Variants in MMP20 observed in about 807,000 individuals in gnomAD.
MMP20 encodes the protein matrix metalloproteinase-20.
Under a neutral mutation model 51.8 loss-of-function variants are expected in MMP20, and 50 were observed. The ratio of observed to expected loss-of-function variants is 0.97; its 90% confidence interval spans 0.77 to 1.22. MMP20 has a LOEUF of 1.22. MMP20 is among the 50% of genes most tolerant of loss of function. MMP20 has a pLI of 0.00. For missense variants in MMP20, 663 were observed against 601.4 expected, an observed-to-expected ratio of 1.10 and a Z score of -1.07; for synonymous variants, 244 against 216.2, an observed-to-expected ratio of 1.13 and a Z score of -1.13.
chr11:102,625,070 T>C, intron 1 of MMP20, 124 bp downstream of exon 1: 1 of 1,303,628 alleles, frequency 7.7e-7, no homozygotes, highest in East Asian at 2.5e-5. Flanking sequence ...TCAGTTAGAC[T>C]TCAATGGACT....
At chr11:102,580,030 A>G (rs767098235) in intron 8 of MMP20, among the ~76,000 whole-genome samples, 34 of 152,256 alleles carry the variant, frequency 2.2e-4, no homozygotes, top group Admixed American at 3.9e-4. Context: ...ATAAGAAGCA[A>G]GTAAATATGT....
At chr11:102,611,975 T>G (rs923335032) in intron 2 of MMP20, 72 bp from the exon 3 acceptor site, 5 of 1,400,178 alleles carry the variant, frequency 3.6e-6, no homozygotes, top group Middle Eastern at 1.8e-4. Context: ...TATGTTGTAT[T>G]CAAAAAATGT....
At chr11:102,591,720 G>A (rs954670599) in intron 8 of MMP20, among the ~76,000 whole-genome samples, 1 of 152,176 alleles carries the variant, frequency 6.6e-6, no homozygotes, top group Admixed American at 6.5e-5. Flanking sequence ...CACTCACAGA[G>A]GCCCAGTTGG....
chr11:102,606,719 G>A (rs770947538), intron 5 of MMP20, 43 bp from the exon 6 acceptor site: 1 of 1,610,618 alleles, frequency 6.2e-7, no homozygotes, highest in Non-Finnish European at 8.5e-7. Flanking sequence ...ACGGGAATTT[G>A]GAGTTCACAC....
chr11:102,625,266 C>A lies in MMP20; in HGVS notation c.54G>T (p.Lys18Asn). Residue 18 changes from lysine (K) to asparagine (N), a missense_variant, in exon 1 of 10, where the codon AAG becomes AAT. Physicochemically the swap from Lys to Asn is moderately conservative, Grantham distance 94. Transcript: ENST00000260228. ...GLAVFLIMALKFSTAAPSLVA... is the reference protein window; with the variant it reads ...GLAVFLIMALNFSTAAPSLVA... ...CTAGGGAGGGGGCTGCAGTGGAAAA[C>A]TTCAAAGCCATGATGAGGAAGACAG... The A allele has an allele frequency of 6.2e-7, 1 of 1,613,844 alleles. No homozygotes were observed. Among genetic ancestry groups the A allele is most frequent in the Non-Finnish European group, 8.5e-7 (1 of 1,179,890 alleles).
chr11:102,595,459 A>G (rs968888727), intron 6 of MMP20, among the ~76,000 whole-genome samples: 1 of 152,216 alleles, frequency 6.6e-6, no homozygotes, highest in African/African-American at 2.4e-5. Context: ...TCCTTTTCTG[A>G]TCTTTTAAAA....
intron 6 of MMP20, among the ~76,000 whole-genome samples, chr11:102,595,559 T>G (rs767500539): frequency 6.6e-6 from 1 of 152,250 alleles, no homozygotes; most frequent in Non-Finnish European, 1.5e-5. Flanking sequence ...TGAGTCATGC[T>G]GATTAGACCC....
At position 102,617,083 on chromosome 11, in the gene MMP20, G is replaced by T. The variant is rs150897495; in HGVS notation, c.127-24C>A. 2,069 of 1,613,994 alleles carry T rather than the reference G, an allele frequency of 1.3e-3. 23 individuals are homozygous for T. Among genetic ancestry groups the T allele is most frequent in the South Asian group, 0.012 (1,090 of 91,044 alleles). ...GCCTGAAATGGAGAGGCAGGCTGAC[G>T]CGTCTACAGCGTAGTCTGGGAAATA... On this transcript the variant is annotated intron_variant, in intron 1 of 9. Coordinates refer to ENST00000260228, the MANE Select transcript of MMP20 (RefSeq NM_004771.4).
chr11:102,616,525 C>T (rs999564636), intron 2 of MMP20, among the ~76,000 whole-genome samples: 7 of 152,072 alleles, frequency 4.6e-5, no homozygotes, highest in African/African-American at 1.7e-4. Flanking sequence ...GTTTGTACTG[C>T]CAGGTCATTA....
chr11:102,622,437 A>C lies in MMP20; in HGVS notation c.126+2757T>G, dbSNP rs553271043. On this transcript the variant is annotated intron_variant, in intron 1 of 9. Transcript: ENST00000260228. ...CACATGGGCCTGATGATTGCATTCC[A>C]AGCAGCTGCTGTTTCCTCCGTCTGG... Among the ~76,000 whole-genome samples, 3 of 152,158 alleles carry C rather than the reference A, an allele frequency of 2.0e-5. No homozygotes were observed. The East Asian group carries it at 5.8e-4, about 29-fold the overall frequency.
At chr11:102,612,382 T>C (rs768952900) in intron 2 of MMP20, among the ~76,000 whole-genome samples, 1 of 152,122 alleles carries the variant, frequency 6.6e-6, no homozygotes, top group African/African-American at 2.4e-5. Flanking sequence ...GAAGAATCAT[T>C]TGAACCTGGG....
intron 6 of MMP20, among the ~76,000 whole-genome samples, chr11:102,604,374 G>A (rs563461215): frequency 6.6e-6 from 1 of 152,212 alleles, no homozygotes; most frequent in South Asian, 2.1e-4. Context: ...AATGTCAATG[G>A]TCAGTGTCTT....
Position 102,577,425 on chromosome 11 carries a change from G to C in MMP20, c.1353C>G (p.Gly451=), listed in dbSNP as rs1247738046. 6.2e-7 allele frequency: 1 copy of C among 1,607,052 alleles called. No individual in the cohort carries two copies. The highest frequency in any genetic ancestry group is 8.5e-7 in the Non-Finnish European group (1 of 1,173,684). ...TTGGTCCTGAAAAGAAGTAAATGTA[G>C]CCTAAAAGAGACAAAGTTGAAATTG... The part of the protein sequence containing the change: ...GQIDAAVELN[G]YIYFFSGPKT... The change falls in exon 10 of 10, where the codon GGC becomes GGG. Residue 451 remains glycine (G), a splice_region_variant and synonymous_variant. Transcript: ENST00000260228.
rs1243139982 is a variant in MMP20 at position 102,601,387 on chromosome 11, C to T, written c.953+5148G>A. 8.0e-5 allele frequency among the ~76,000 whole-genome samples: 3 copies of T among 37,444 alleles called. 1 individual carries two copies. Among genetic ancestry groups the T allele is most frequent in the African/African-American group, 2.1e-4 (3 of 14,006 alleles). 24.6% of individuals were successfully genotyped at this position (37,444 alleles called of 152,430 possible). Reference sequence around the variant, plus strand: ...GACCTCGTGATCCGCCCGCCTCGGCCTCCCAAAGTGCTGGGATTACAGGCG... The same window carrying T: ...GACCTCGTGATCCGCCCGCCTCGGCTTCCCAAAGTGCTGGGATTACAGGCG... On this transcript the variant is annotated intron_variant, in intron 6 of 9. Coordinates refer to ENST00000260228, the MANE Select transcript of MMP20 (RefSeq NM_004771.4).
At chr11:102,619,396 G>A (rs1399698961) in intron 1 of MMP20, among the ~76,000 whole-genome samples, 2 of 152,082 alleles carry the variant, frequency 1.3e-5, no homozygotes, top group Non-Finnish European at 2.9e-5. Flanking sequence ...TAAATTAAGT[G>A]GAAAACATGT....
chr11:102,579,286 T>G, intron 8 of MMP20, 144 bp from the exon 9 acceptor site: 1 of 636,548 alleles, frequency 1.6e-6, no homozygotes, highest in Non-Finnish European at 2.8e-6. Flanking sequence ...ACACATGCAT[T>G]TATGTTGTTA....
intron 6 of MMP20, among the ~76,000 whole-genome samples, chr11:102,600,617 G>C (rs992126024): frequency 6.6e-6 from 1 of 152,098 alleles, no homozygotes; most frequent in African/African-American, 2.4e-5. Flanking sequence ...CTGAGAAGCT[G>C]GGATTACAAG....
Position 102,588,413 on chromosome 11 carries a change from A to G in MMP20, c.1247+5026T>C, listed in dbSNP as rs145571819. 8.2e-3 allele frequency among the ~76,000 whole-genome samples: 1,256 copies of G among 152,282 alleles called. 20 individuals carry two copies. Among genetic ancestry groups the G allele is most frequent in the African/African-American group, 0.029 (1,189 of 41,580 alleles). ...CAGCTTTTGTTATATTAAGTTTCTT[A>G]GTTGCCATTTCTGGTTCTGTTCTTT... On this transcript the variant is annotated intron_variant, in intron 8 of 9. Transcript: ENST00000260228.
At chr11:102,623,145 A>G (rs1356298507) in intron 1 of MMP20, among the ~76,000 whole-genome samples, 1 of 152,212 alleles carries the variant, frequency 6.6e-6, no homozygotes, top group Non-Finnish European at 1.5e-5. Context: ...GAAGTAAGGA[A>G]TCACTAAAGG....
Sources: gnomAD v4.1 joint callset for allele counts (sites outside exome capture counted in the v4.1 genomes callset) on GRCh38, gnomAD v4.1.1 for gene constraint, MANE v1.5 for transcripts, NCBI Gene and HGNC (gene_info 2026-07-23, HGNC 2026-07-21) for gene names.